FLAD1: variants seen among roughly 807,000 people sequenced by gnomAD.
The protein encoded by FLAD1 is bifunctional FAD diphosphatase/FAD synthase.
In FLAD1, 35 loss-of-function variants were observed where a neutral mutation model predicts 55.0. The ratio of observed to expected loss-of-function variants is 0.64; its 90% CI spans 0.49 to 0.84. The LOEUF (loss-of-function observed/expected upper bound fraction) is 0.84, where lower values mean the gene tolerates loss of function less well. Ranked by LOEUF, FLAD1 falls within the 40% of genes least tolerant of loss-of-function variation. The probability of loss-of-function intolerance (pLI) is 0.00; values close to 1 mark genes in which losing one functional copy is unlikely to be tolerated. For synonymous variants in FLAD1, 267 were observed against 303.0 expected (o/e 0.88, Z 1.23); for missense variants, 665 against 742.6 (o/e 0.90, Z 1.21).
intron 5 of FLAD1, among the ~76,000 whole-genome samples, chr1:154,992,251 T>C (rs1160058305): frequency 6.6e-6 from 1 of 151,870 alleles, no homozygotes; most frequent in East Asian, 1.9e-4. Context: ...GAGACCATCC[T>C]GGCTACACAG....
At chr1:154,988,994 A>C in intron 2 of FLAD1, 145 bp downstream of exon 2, 1 of 1,481,530 alleles carries the variant, frequency 6.7e-7, no homozygotes, top group Admixed American at 2.3e-5. Context: ...TCTTCCAATA[A>C]ATGTTGATTG....
In FLAD1 at chr1:154,984,045, T is replaced by G; in HGVS notation, c.351T>G (p.Ile117Met). The change falls in exon 1 of 7, where the codon ATT (isoleucine) becomes ATG (methionine). Residue 117 changes from isoleucine (I) to methionine (M), a missense_variant. Physicochemically the swap from Ile to Met is conservative, Grantham distance 10. Transcript: ENST00000292180. ...GCAGCGTGACGGCTGGCATCATCAT[T>G]GTTGGAGATGAGATCCTTAAGGTGT... Reference protein sequence around the residue: ...PGRSVTAGIIIVGDEILKGHT... With the variant: ...PGRSVTAGIIMVGDEILKGHT... 1 of 1,511,974 alleles carries G rather than the reference T, an allele frequency of 6.6e-7. No homozygotes were observed. Among genetic ancestry groups the G allele is most frequent in the Non-Finnish European group, 8.8e-7 (1 of 1,130,108 alleles). The allele number at this position is 1,511,974 out of a possible 1,614,324, so 93.7% of individuals were successfully genotyped here.
In FLAD1 at chr1:154,983,976, A is replaced by G. The variant is rs745796104; in HGVS notation, c.282A>G (p.Glu94=). The part of the protein sequence containing the change: ...GYWRALQRGR[E]GRTMTSRASE... The stretch of plus-strand genomic sequence containing the variant: ...GGAGGGCCTTGCAGAGGGGCAGAGA[A>G]GGCAGGACCATGACATCTAGGGCCT... The change falls in exon 1 of 7, where the codon GAA becomes GAG. Residue 94 remains glutamate, a synonymous_variant. Coordinates refer to ENST00000292180, the MANE Select transcript of FLAD1 (RefSeq NM_025207.5). The G allele has an allele frequency of 6.4e-6, 10 of 1,554,334 alleles. No individual in the cohort carries two copies. In the Admixed American group the frequency reaches 2.1e-4, roughly 32 times the overall value.
At chr1:154,984,087 G>A (rs148118421) in intron 1 of FLAD1, 21 bp downstream of exon 1, 2 of 1,480,984 alleles carry the variant, frequency 1.4e-6, no homozygotes, top group Admixed American at 2.3e-5. Flanking sequence ...GACAGAAAAG[G>A]GGGGAGGGCG....
At chr1:154,992,401 C>T (rs999982564) in intron 5 of FLAD1, among the ~76,000 whole-genome samples, 3 of 152,038 alleles carry the variant, frequency 2.0e-5, no homozygotes, top group Non-Finnish European at 4.4e-5. Flanking sequence ...CAAGACCACG[C>T]CACTGCACTC....
chr1:154,990,091 T>G, intron 3 of FLAD1, 68 bp from the exon 4 acceptor site: 25 of 1,260,828 alleles, frequency 2.0e-5, no homozygotes, highest in African/African-American at 3.0e-5. Flanking sequence ...ACGAGAACAG[T>G]GAGCTGTTTC....
chr1:154,987,876 G>C, intron 1 of FLAD1: 1 of 1,351,280 alleles, frequency 7.4e-7, no homozygotes, highest in Non-Finnish European at 9.7e-7. Context: ...AGGCTGCAGT[G>C]AACTGTGACT....
chr1:154,989,589 G>C lies in FLAD1; in HGVS notation c.1147G>C (p.Ala383Pro). Residue 383 changes from alanine to proline, a missense_variant, in exon 3 of 7, where the codon GCC (alanine) becomes CCC (proline). Physicochemically the swap from Ala to Pro is conservative, Grantham distance 27. Coordinates refer to ENST00000292180, the MANE Select transcript of FLAD1 (RefSeq NM_025207.5). The stretch of plus-strand genomic sequence containing the variant: ...TTCTTTGGGGAAAAAGGTGGCAGGT[G>C]CCCTACAGACCATTGAGACCTCCCT... The part of the protein sequence containing the change: ...GSSLGKKVAG[A>P]LQTIETSLAQ... 6.3e-7 allele frequency: 1 copy of C among 1,593,520 alleles called. No individual in the cohort carries two copies. Among genetic ancestry groups the C allele is most frequent in the Non-Finnish European group, 8.6e-7 (1 of 1,168,936 alleles).
chr1:154,987,955 C>T, intron 1 of FLAD1, 150 bp from the exon 2 acceptor site: 1 of 1,523,284 alleles, frequency 6.6e-7, no homozygotes, highest in Non-Finnish European at 8.8e-7. Context: ...TTTTCCCACT[C>T]TTGTGTCCAG....
intron 2 of FLAD1, 74 bp from the exon 3 acceptor site, chr1:154,989,486 G>A (rs760425674): frequency 1.2e-4 from 165 of 1,396,090 alleles, no homozygotes; most frequent in Non-Finnish European, 1.5e-4. Flanking sequence ...GTTTAAGCAA[G>A]GGCAGCATGC....
chr1:154,987,799 G>A, intron 1 of FLAD1: 2 of 582,172 alleles, frequency 3.4e-6, no homozygotes, highest in South Asian at 5.3e-5. Context: ...TGAGCTGAAT[G>A]TGGTGGCACG....
rs1002583534 is a variant in FLAD1, at chr1:154,984,046, G to T, written c.352G>T (p.Val118Phe). 1.3e-5 allele frequency: 20 copies of T among 1,512,368 alleles called. No individual in the cohort carries two copies. The highest frequency in any genetic ancestry group is 1.7e-5 in the Non-Finnish European group (19 of 1,130,366). The allele number at this position is 1,512,368 out of a possible 1,614,324, so 93.7% of individuals were successfully genotyped here. A position where few individuals can be genotyped will look rare whatever the true frequency, so the allele number is the denominator to read the frequency against. The change falls in exon 1 of 7, where the codon GTT becomes TTT. Residue 118 changes from valine to phenylalanine, a missense_variant. By Grantham distance (50) the Val-to-Phe change is conservative (BLOSUM62 -1). Coordinates refer to ENST00000292180, the MANE Select transcript of FLAD1 (RefSeq NM_025207.5). ...CAGCGTGACGGCTGGCATCATCATT[G>T]TTGGAGATGAGATCCTTAAGGTGTG... Reference protein sequence around the residue: ...GRSVTAGIIIVGDEILKGHTQ... With the variant: ...GRSVTAGIIIFGDEILKGHTQ...
chr1:154,984,025 G>T lies in FLAD1; in HGVS notation c.331G>T (p.Val111Leu). The T allele has an allele frequency of 6.6e-7, 1 of 1,513,654 alleles. No individual in the cohort carries two copies. The highest frequency in any genetic ancestry group is 8.8e-7 in the Non-Finnish European group (1 of 1,130,646). The allele number at this position is 1,513,654 out of a possible 1,614,324, so 93.8% of individuals were successfully genotyped here. A position where few individuals can be genotyped will look rare whatever the true frequency, so the allele number is the denominator to read the frequency against. ...RASELSPGRS[V>L]TAGIIIVGDE... ...CTCTGAACTTTCTCCGGGGCGCAGC[G>T]TGACGGCTGGCATCATCATTGTTGG... Residue 111 changes from valine to leucine, a missense_variant, in exon 1 of 7, where the codon GTG becomes TTG. Coordinates refer to ENST00000292180, the MANE Select transcript of FLAD1 (RefSeq NM_025207.5).
intron 1 of FLAD1, among the ~76,000 whole-genome samples, chr1:154,986,006 C>T (rs1657578278): frequency 6.8e-6 from 1 of 147,784 alleles, no homozygotes; most frequent in East Asian, 2.0e-4. Flanking sequence ...GAGGCATGAG[C>T]CACTGCGCCC....
At position 154,983,399 on chromosome 1, in the gene FLAD1, TGA is replaced by T. The variant is rs569007120; in HGVS notation, c.-292_-291del. 1,202 of 286,006 alleles carry T rather than the reference TGA, an allele frequency of 4.2e-3. 6 individuals carry two copies. The highest frequency in any genetic ancestry group is 0.016 in the South Asian group (155 of 9,892). 17.7% of individuals were successfully genotyped at this position (286,006 alleles called of 1,614,324 possible). A position where few individuals can be genotyped will look rare whatever the true frequency, so the allele number is the denominator to read the frequency against. On this transcript the variant is annotated 5_prime_UTR_variant, in exon 1 of 7. An upstream open reading frame in the 5' UTR gains an earlier in-frame stop. Transcript: ENST00000292180. ...CCGGTGAAGGGGCAGAACAGGCAGGTGAGAGTCTAAGAGGGCTCAGTAATCTG... is the reference window on the plus strand; with the variant it reads ...CCGGTGAAGGGGCAGAACAGGCAGGTGAGTCTAAGAGGGCTCAGTAATCTG...
At position 154,984,066 on chromosome 1, in the gene FLAD1, G is replaced by T. The variant is rs1338709810; in HGVS notation, c.372G>T (p.Lys124Asn). 1 of 1,506,386 alleles carries T rather than the reference G, an allele frequency of 6.6e-7. No individual in the cohort carries two copies. The allele number at this position is 1,506,386 out of a possible 1,614,324, so 93.3% of individuals were successfully genotyped here. Residue 124 changes from lysine (K) to asparagine (N), a missense_variant and splice_region_variant, in exon 1 of 7, where the codon AAG (lysine) becomes AAT (asparagine). Coordinates refer to ENST00000292180, the MANE Select transcript of FLAD1 (RefSeq NM_025207.5). ...TCATTGTTGGAGATGAGATCCTTAA[G>T]GTGTGTCTGGGACAGAAAAGGGGGG... ...GIIIVGDEIL[K>N]GHTQDTNTFF...
At chr1:154,992,656 G>C (rs1558077900) in intron 5 of FLAD1, 57 bp from the exon 6 acceptor site, 3 of 1,614,176 alleles carry the variant, frequency 1.9e-6, no homozygotes, top group Non-Finnish European at 2.5e-6. Context: ...CAGGACAGCA[G>C]GGGTAGAAGT....
At chr1:154,985,031 A>AT (rs749772991) in intron 1 of FLAD1, among the ~76,000 whole-genome samples, 635 of 32,586 alleles carry the variant, frequency 0.019, 43 homozygotes, top group Middle Eastern at 0.026. Flanking sequence ...CACCTGGCTA[A>AT]TTTTTTTTTT....
At chr1:154,989,936 A>G (rs1486729608) in intron 3 of FLAD1, among the ~76,000 whole-genome samples, 2 of 152,000 alleles carry the variant, frequency 1.3e-5, no homozygotes, top group Non-Finnish European at 2.9e-5. Flanking sequence ...TGCTGGGGAG[A>G]TGAGAGATTT....
Sources: allele counts gnomAD v4.1 joint callset (sites outside exome capture counted in the v4.1 genomes callset), GRCh38; gene constraint gnomAD v4.1.1; transcripts MANE v1.5; gene names NCBI Gene and HGNC (gene_info 2026-07-23, HGNC 2026-07-21).